MARCHF1: variants seen among roughly 807,000 people sequenced by gnomAD.
MARCHF1 encodes the protein membrane associated ring-CH-type finger 1.
Under a neutral mutation model 54.2 loss-of-function variants are expected in MARCHF1, and 40 were observed. The observed-to-expected ratio is 0.74, with a 90% CI of 0.57 to 0.96. The LOEUF (loss-of-function observed/expected upper bound fraction) is 0.96, where lower values mean the gene tolerates loss of function less well. MARCHF1 is among the 40% of genes least tolerant of loss of function. The probability of loss-of-function intolerance (pLI) is 0.00; values close to 1 mark genes in which losing one functional copy is unlikely to be tolerated. For missense variants in MARCHF1, 586 were observed against 656.5 expected (o/e 0.89, Z 1.17); for synonymous variants, 236 against 236.3 (o/e 1.00, Z 0.01).
At chr4:163,653,366 T>A (rs1176745978) in intron 5 of MARCHF1, among the ~76,000 whole-genome samples, 1 of 151,824 alleles carries the variant, frequency 6.6e-6, no homozygotes, top group African/African-American at 2.4e-5. Flanking sequence ...ATTATTTTCC[T>A]GAGTTTGATG....
intron 1 of MARCHF1, among the ~76,000 whole-genome samples, chr4:164,146,637 T>A (rs891028316): frequency 6.6e-6 from 1 of 151,894 alleles, no homozygotes; most frequent in Non-Finnish European, 1.5e-5. Context: ...AAGCTGAAAC[T>A]GGATCCCTTC....
intron 8 of MARCHF1, chr4:163,584,436 A>G (rs916395685): frequency 1.3e-5 from 2 of 152,210 alleles, no homozygotes; most frequent in Admixed American, 6.5e-5. Context: ...ACTACTGCAG[A>G]CAATGCTCAG....
chr4:163,995,843 C>G (rs979371697), intron 2 of MARCHF1, among the ~76,000 whole-genome samples: 2 of 152,012 alleles, frequency 1.3e-5, no homozygotes, highest in Admixed American at 6.6e-5. Context: ...GATCCAGAGA[C>G]CCCTGTTCTT....
chr4:163,943,704 A>G (rs1226487666), intron 3 of MARCHF1, among the ~76,000 whole-genome samples: 1 of 149,420 alleles, frequency 6.7e-6, no homozygotes, highest in African/African-American at 2.5e-5. Context: ...AAGTTTACCT[A>G]CGTAACAAAT....
At chr4:164,032,273 C>CA (rs1351037619) in intron 2 of MARCHF1, among the ~76,000 whole-genome samples, 1 of 151,930 alleles carries the variant, frequency 6.6e-6, no homozygotes, top group Non-Finnish European at 1.5e-5. Flanking sequence ...TTAATTATTT[C>CA]AAAAAACCAG....
intron 1 of MARCHF1, among the ~76,000 whole-genome samples, chr4:164,288,729 C>A (rs536799464): frequency 1.3e-5 from 2 of 152,184 alleles, no homozygotes; most frequent in Non-Finnish European, 1.5e-5. Context: ...GCCAAATGTT[C>A]ATCTTTCATC....
At chr4:163,870,740 A>G (rs1474469286) in intron 3 of MARCHF1, among the ~76,000 whole-genome samples, 2 of 152,160 alleles carry the variant, frequency 1.3e-5, no homozygotes, top group Non-Finnish European at 2.9e-5. Context: ...CAGCACGGAA[A>G]GACAAATACC....
chr4:164,378,689 T>C (rs1021072020), intron 1 of MARCHF1, among the ~76,000 whole-genome samples: 4 of 152,196 alleles, frequency 2.6e-5, no homozygotes, highest in East Asian at 1.9e-4. Context: ...TGGGGATGTA[T>C]AGATCATCTG....
chr4:163,898,491 T>A (rs1219577986), intron 3 of MARCHF1, among the ~76,000 whole-genome samples: 1 of 152,212 alleles, frequency 6.6e-6, no homozygotes, highest in Non-Finnish European at 1.5e-5. Context: ...AGATGTTATC[T>A]TATACCAGTC....
chr4:164,329,278 C>A (rs529625209), intron 1 of MARCHF1, among the ~76,000 whole-genome samples: 1 of 152,080 alleles, frequency 6.6e-6, no homozygotes, highest in Non-Finnish European at 1.5e-5. Flanking sequence ...TAATTCATAA[C>A]CCTCTTCTGC....
At chr4:163,806,500 A>G (rs1472849790) in intron 4 of MARCHF1, among the ~76,000 whole-genome samples, 2 of 152,150 alleles carry the variant, frequency 1.3e-5, no homozygotes, top group Non-Finnish European at 2.9e-5. Context: ...ATGTGGCTCC[A>G]GTGGGGGCTG....
chr4:164,333,174 A>G (rs1261729176), intron 1 of MARCHF1, among the ~76,000 whole-genome samples: 3 of 152,236 alleles, frequency 2.0e-5, no homozygotes, highest in East Asian at 1.9e-4. Flanking sequence ...TCCTCTCCAC[A>G]TGTGTTTCAG....
At chr4:164,286,974 AAGGTTG>A (rs1163766788) in intron 1 of MARCHF1, among the ~76,000 whole-genome samples, 1 of 150,062 alleles carries the variant, frequency 6.7e-6, no homozygotes, top group East Asian at 1.9e-4. Flanking sequence ...AAAGAGACTC[AAGGTTG>A]AGGTCTGAGT....
chr4:164,035,172 TAA>T (rs887030002), intron 2 of MARCHF1, among the ~76,000 whole-genome samples: 2 of 152,146 alleles, frequency 1.3e-5, no homozygotes, highest in African/African-American at 4.8e-5. Context: ...ATAACATTTT[TAA>T]GTCTAATCAA....
intron 8 of MARCHF1, among the ~76,000 whole-genome samples, chr4:163,550,145 G>A (rs1470665292): frequency 6.6e-6 from 1 of 152,044 alleles, no homozygotes; most frequent in Non-Finnish European, 1.5e-5. Flanking sequence ...ATCCAGGCGT[G>A]GCGGCGGGCG....
chr4:164,052,925 C>A (rs1754404709), intron 2 of MARCHF1, among the ~76,000 whole-genome samples: 1 of 152,138 alleles, frequency 6.6e-6, no homozygotes, highest in African/African-American at 2.4e-5. Flanking sequence ...AACTATCCTA[C>A]AAAAACATGG....
chr4:164,349,169 C>G (rs1044964749), intron 1 of MARCHF1, among the ~76,000 whole-genome samples: 3 of 152,146 alleles, frequency 2.0e-5, no homozygotes, highest in African/African-American at 4.8e-5. Context: ...TAGATCTGCC[C>G]TGACTCATAA....
chr4:163,744,198 G>C (rs1215279439), intron 4 of MARCHF1, among the ~76,000 whole-genome samples: 1 of 152,180 alleles, frequency 6.6e-6, no homozygotes, highest in African/African-American at 2.4e-5. Flanking sequence ...AGGTTTCCAA[G>C]GACCCACTGG....
Position 164,091,427 on chromosome 4 carries a change from T to TATATATAC in MARCHF1, c.-248+20160_-248+20161insGTATATAT, listed in dbSNP as rs1755299391. On this transcript the variant is annotated intron_variant, in intron 2 of 9. Coordinates refer to ENST00000514618, the MANE Select transcript of MARCHF1 (RefSeq NM_001394959.1). ...ACCAAGTTTTATATATATATATATA[T>TATATATAC]ATGTATAAAATGAATTGCACGCAGT... is the stretch of plus-strand genomic sequence containing the variant. 2.1e-5 allele frequency among the ~76,000 whole-genome samples: 3 copies of TATATATAC among 146,168 alleles called. No individual in the cohort carries two copies. The South Asian group carries it at 6.4e-4, about 31-fold the overall frequency.
Sources: allele counts gnomAD v4.1 joint callset (sites outside exome capture counted in the v4.1 genomes callset), GRCh38; gene constraint gnomAD v4.1.1; transcripts MANE v1.5; gene names NCBI Gene and HGNC (gene_info 2026-07-23, HGNC 2026-07-21).